The following PTPRN2 variants were observed in gnomAD, a reference collection of about 807,000 sequenced individuals.
The protein encoded by PTPRN2 is protein tyrosine phosphatase receptor type N2.
A neutral mutation model predicts 118.8 loss-of-function variants in PTPRN2; 74 were observed. The ratio of observed to expected loss-of-function variants is 0.62; its 90% confidence interval spans 0.52 to 0.76. PTPRN2 has a LOEUF of 0.76. Among genes scored for constraint, PTPRN2 ranks in the 30% least tolerant of loss-of-function variants. PTPRN2 has a pLI of 0.00. For synonymous variants in PTPRN2, 641 were observed against 608.0 expected (o/e 1.05, Z -0.80); for missense variants, 1,481 against 1,394.4 (o/e 1.06, Z -0.99).
At chr7:157,648,876 C>T (rs1486780846) in intron 14 of PTPRN2, among the ~76,000 whole-genome samples, 1 of 147,112 alleles carries the variant, frequency 6.8e-6, no homozygotes, top group African/African-American at 2.5e-5. Context: ...TGGGTCGGAC[C>T]CATCCAGCGT....
intron 2 of PTPRN2, among the ~76,000 whole-genome samples, chr7:158,351,950 C>G (rs112056107): frequency 2.8e-3 from 319 of 115,106 alleles, no homozygotes; most frequent in African/African-American, 0.011. Flanking sequence ...CTGACCGCTC[C>G]CCTCCTGTCC....
rs182125930 is a variant in PTPRN2 at position 158,343,532 on chromosome 7, C to T, written c.164-26600G>A. On this transcript the variant is annotated intron_variant, in intron 2 of 22. Coordinates refer to ENST00000389418, the MANE Select transcript of PTPRN2 (RefSeq NM_002847.5). ...TTCAATGTGGAAGTAGCAGATGATC[C>T]GACAGCCCCATTTGATTTTACACCC... 7.2e-5 allele frequency among the ~76,000 whole-genome samples: 11 copies of T among 152,346 alleles called. No homozygotes were observed. The East Asian group carries it at 1.7e-3, about 24-fold the overall frequency.
chr7:157,926,741 G>C (rs532667526), intron 11 of PTPRN2, among the ~76,000 whole-genome samples: 5 of 152,136 alleles, frequency 3.3e-5, no homozygotes, highest in Non-Finnish European at 7.3e-5. Context: ...GCTTAGACCT[G>C]AGAAGTAGCC....
At position 157,615,757 on chromosome 7, in the gene PTPRN2, G is replaced by C. The variant is rs1802730923; in HGVS notation, c.2344+5605C>G. The C allele has an allele frequency of 2.6e-6, 1 of 385,182 alleles. No homozygotes were observed. Among genetic ancestry groups the C allele is most frequent in the Non-Finnish European group, 5.3e-6 (1 of 188,932 alleles). 23.9% of individuals were successfully genotyped at this position (385,182 alleles called of 1,614,324 possible). A position where few individuals can be genotyped will look rare whatever the true frequency, so the allele number is the denominator to read the frequency against. ...ACCACAAGCTCTGGAGGCTGAACGA[G>C]AATCGGTTACAGGAGATGAACACAA... On this transcript the variant is annotated intron_variant, in intron 15 of 22. Transcript: ENST00000389418. This position sits in a 1 kb window ranked among gnomAD's most constrained non-coding sequence, Gnocchi z 4.3.
At chr7:158,134,751 G>A (rs1248274060) in intron 8 of PTPRN2, among the ~76,000 whole-genome samples, 1 of 152,118 alleles carries the variant, frequency 6.6e-6, no homozygotes, top group Admixed American at 6.6e-5. Flanking sequence ...GGAACCCCCT[G>A]GCACCTCTGC....
At chr7:157,818,188 A>C (rs775435805) in intron 12 of PTPRN2, among the ~76,000 whole-genome samples, 1 of 151,386 alleles carries the variant, frequency 6.6e-6, no homozygotes, top group Non-Finnish European at 1.5e-5. Flanking sequence ...GTGTGCATTC[A>C]TGTGAAAGTG....
intron 11 of PTPRN2, among the ~76,000 whole-genome samples, chr7:157,973,553 T>G (rs752028730): frequency 6.6e-6 from 1 of 152,184 alleles, no homozygotes; most frequent in East Asian, 1.9e-4. Flanking sequence ...CCAAACAAGC[T>G]GTCTACATGA....
chr7:158,261,287 C>T (rs372536685), intron 3 of PTPRN2, among the ~76,000 whole-genome samples: 257 of 152,186 alleles, frequency 1.7e-3, no homozygotes, highest in African/African-American at 5.9e-3. Context: ...GATGGGAGCA[C>T]CAGGCCACAT....
At chr7:157,975,669 C>A (rs1432786268) in intron 11 of PTPRN2, among the ~76,000 whole-genome samples, 1 of 152,186 alleles carries the variant, frequency 6.6e-6, no homozygotes, top group Non-Finnish European at 1.5e-5. Context: ...CATAAATCAG[C>A]CCCACCAGCC....
At chr7:158,270,173 T>G (rs923043977) in intron 3 of PTPRN2, among the ~76,000 whole-genome samples, 2 of 152,198 alleles carry the variant, frequency 1.3e-5, no homozygotes, top group African/African-American at 4.8e-5. Context: ...CCAGGACACC[T>G]GAACTGGTCA....
At chr7:158,528,557 G>A (rs1229960774) in intron 1 of PTPRN2, among the ~76,000 whole-genome samples, 1 of 151,852 alleles carries the variant, frequency 6.6e-6, no homozygotes, top group Admixed American at 6.6e-5. Context: ...GAGGCTGAGG[G>A]GGACGGATCA....
intron 3 of PTPRN2, among the ~76,000 whole-genome samples, chr7:158,229,245 T>C (rs1420419845): frequency 1.3e-5 from 2 of 152,036 alleles, no homozygotes; most frequent in Non-Finnish European, 2.9e-5. Context: ...AGGTAAATTA[T>C]GTGACTCTCT....
intron 3 of PTPRN2, among the ~76,000 whole-genome samples, chr7:158,240,421 CTTTTG>C (rs972177808): frequency 2.4e-4 from 36 of 152,110 alleles, no homozygotes; most frequent in African/African-American, 8.2e-4. Context: ...GGTGTGTGGG[CTTTTG>C]TTTTGTTTTT....
At chr7:157,577,161 C>G (rs1197454089) in intron 18 of PTPRN2, among the ~76,000 whole-genome samples, 2 of 152,238 alleles carry the variant, frequency 1.3e-5, no homozygotes, top group Non-Finnish European at 2.9e-5. Context: ...ACTACATGTT[C>G]TGCTCAGTGG....
chr7:158,151,572 G>T (rs377316517), intron 6 of PTPRN2, among the ~76,000 whole-genome samples: 2 of 149,556 alleles, frequency 1.3e-5, no homozygotes, highest in African/African-American at 2.5e-5. Context: ...CCTGTGGTGG[G>T]GTGGTGGTGG....
intron 11 of PTPRN2, among the ~76,000 whole-genome samples, chr7:158,019,176 C>T (rs952762209): frequency 6.6e-6 from 1 of 152,244 alleles, no homozygotes; most frequent in African/African-American, 2.4e-5. Flanking sequence ...CCACCACGGG[C>T]TCCCAGCACT....
chr7:158,095,837 C>CA lies in PTPRN2; in HGVS notation c.1644-14461dup, dbSNP rs1338448619. Among the ~76,000 whole-genome samples, 7 of 152,284 alleles carry CA rather than the reference C, an allele frequency of 4.6e-5. 1 individual carries two copies. Among genetic ancestry groups the CA allele is most frequent in the African/African-American group, 1.7e-4 (7 of 41,558 alleles). The stretch of plus-strand genomic sequence containing the variant: ...CCAGTGATCCTCCCAGTTCAGCCCC[C>CA]AAAGTACTGGGATTACAGGCGTGAG... On this transcript the variant is annotated intron_variant, in intron 10 of 22. Transcript: ENST00000389418.
chr7:158,139,686 G>C (rs1045163400), intron 6 of PTPRN2, among the ~76,000 whole-genome samples: 1 of 152,044 alleles, frequency 6.6e-6, no homozygotes, highest in Non-Finnish European at 1.5e-5. Flanking sequence ...AGCAGCGGGG[G>C]CGGGGCGGGG....
At chr7:157,878,934 C>T (rs1261815630) in intron 12 of PTPRN2, among the ~76,000 whole-genome samples, 15 of 125,816 alleles carry the variant, frequency 1.2e-4, no homozygotes, top group Admixed American at 5.0e-4. Flanking sequence ...TCTCGGATTC[C>T]GTGGGGCTTG....
Sources: allele counts gnomAD v4.1 joint callset (sites outside exome capture counted in the v4.1 genomes callset), GRCh38; gene constraint gnomAD v4.1.1; non-coding constraint Gnocchi (gnomAD v3.1); transcripts MANE v1.5; gene names NCBI Gene and HGNC (gene_info 2026-07-23, HGNC 2026-07-21).